Variants in MTCL1 observed in about 807,000 individuals in gnomAD.
The protein encoded by MTCL1 is microtubule cross-linking factor 1.
In MTCL1, 79 loss-of-function variants were observed where a neutral mutation model predicts 141.4. The ratio of observed to expected loss-of-function variants is 0.56; its 90% confidence interval spans 0.47 to 0.67. The LOEUF is 0.67. Among genes scored for constraint, MTCL1 ranks in the 30% least tolerant of loss-of-function variants. MTCL1 has a pLI of 0.00. For missense variants in MTCL1, 2,177 were observed against 2,113.9 expected, an observed-to-expected ratio of 1.03 and a Z score of -0.59; for synonymous variants, 914 against 875.8, an observed-to-expected ratio of 1.04 and a Z score of -0.77.
At chr18:8,784,664 A>G (rs745858701) in exon 6 of MTCL1, 1 of 1,614,022 alleles carries the variant, frequency 6.2e-7, no homozygotes, top group Non-Finnish European at 8.5e-7. Flanking sequence ...CATCAACGCC[A>G]AGATGAAGGC....
chr18:8,745,559 C>T (rs975377113), intron 4 of MTCL1, among the ~76,000 whole-genome samples: 7 of 152,032 alleles, frequency 4.6e-5, no homozygotes, highest in African/African-American at 1.4e-4. Context: ...TTGGGTTGTT[C>T]GGGAGCTTCC....
rs143755212 is a variant in MTCL1 at position 8,741,733 on chromosome 18, G to A, written c.357+21237G>A. 3.9e-5 allele frequency among the ~76,000 whole-genome samples: 6 copies of A among 152,244 alleles called. No individual in the cohort carries two copies. In the East Asian group the frequency reaches 1.2e-3, roughly 29 times the overall value. ...GTAAATGATGATGTGCTTGCTGTTC[G>A]GGAGTTTATTTCTCAGTGGACTTGG... On this transcript the variant is annotated intron_variant, in intron 4 of 16. Transcript: ENST00000359865.
chr18:8,786,117 C>T, intron 7 of MTCL1, 26 bp downstream of exon 6: 4 of 1,394,756 alleles, frequency 2.9e-6, no homozygotes, highest in Non-Finnish European at 1.9e-6. Context: ...CAATCCCCCC[C>T]CCCCGCCCTC....
At chr18:8,826,382 G>A (rs2077027848) in intron 15 of MTCL1, 150 bp downstream of exon 14, 3 of 773,792 alleles carry the variant, frequency 3.9e-6, no homozygotes, top group Non-Finnish European at 5.9e-6. Flanking sequence ...TAGGTTTATG[G>A]GAGAATAGAA....
chr18:8,711,023 A>T (rs1022760529), intron 1 of MTCL1, among the ~76,000 whole-genome samples: 1 of 151,480 alleles, frequency 6.6e-6, no homozygotes, highest in Non-Finnish European at 1.5e-5. Flanking sequence ...ATATCTCCCA[A>T]TGCTATCCCT....
chr18:8,792,940 G>A (rs2075785560), intron 7 of MTCL1, 58 bp from the exon 7 acceptor site: 9 of 1,599,078 alleles, frequency 5.6e-6, no homozygotes, highest in Middle Eastern at 2.2e-4. Flanking sequence ...GTCCTGCGTC[G>A]TCACCTCAGG....
At chr18:8,750,230 G>C (rs548542957) in intron 4 of MTCL1, among the ~76,000 whole-genome samples, 10 of 151,962 alleles carry the variant, frequency 6.6e-5, no homozygotes, top group Admixed American at 1.3e-4. Flanking sequence ...ATTTTTAGTA[G>C]AGACAGGGTT....
intron 6 of MTCL1, 37 bp from the exon 6 acceptor site, chr18:8,785,898 AG>A (rs2096551820): frequency 6.5e-6 from 10 of 1,530,398 alleles, no homozygotes; most frequent in Non-Finnish European, 8.8e-6. Flanking sequence ...AAAATTTTAA[AG>A]AACAACAACA....
intron 2 of MTCL1, chr18:8,718,024 G>T: frequency 1.0e-6 from 1 of 983,108 alleles, no homozygotes. Context: ...GTTCTTTGAA[G>T]GCAGGGTCCG....
intron 5 of MTCL1, among the ~76,000 whole-genome samples, 174 bp from the exon 5 acceptor site, chr18:8,783,356 G>A (rs1344119173): frequency 6.6e-6 from 1 of 151,964 alleles, no homozygotes; most frequent in Non-Finnish European, 1.5e-5. Flanking sequence ...CAAAGCCCCT[G>A]GGCCCACCTC....
At chr18:8,789,523 C>A (rs2075644372) in intron 7 of MTCL1, 3 of 985,338 alleles carry the variant, frequency 3.0e-6, no homozygotes, top group Non-Finnish European at 3.6e-6. Flanking sequence ...GGGAAGTTAG[C>A]CTTTGTCAAT....
intron 4 of MTCL1, among the ~76,000 whole-genome samples, chr18:8,766,780 G>A (rs1312322059): frequency 2.6e-5 from 4 of 152,232 alleles, no homozygotes; most frequent in Admixed American, 6.5e-5. Context: ...AGGGTGGGCA[G>A]GTGCAGCTGG....
chr18:8,750,539 G>C (rs905250014), intron 4 of MTCL1, among the ~76,000 whole-genome samples: 5 of 152,216 alleles, frequency 3.3e-5, no homozygotes, highest in African/African-American at 1.2e-4. Flanking sequence ...CTGGCTGGAG[G>C]TGCAGAGGAA....
upstream of MTCL1, chr18:8,717,233 A>G (rs1332348953): frequency 6.6e-6 from 1 of 152,176 alleles, no homozygotes; most frequent in Non-Finnish European, 1.5e-5. Context: ...TACCAATACT[A>G]TTAGATGGCA....
chr18:8,832,151 G>A (rs1393593279), exon 17 of MTCL1: 5 of 250,156 alleles, frequency 2.0e-5, no homozygotes, highest in East Asian at 1.0e-4. Flanking sequence ...GAACACCCTC[G>A]CTGTCAATAC....
At chr18:8,775,936 T>G (rs1240266195) in intron 4 of MTCL1, among the ~76,000 whole-genome samples, 1 of 152,196 alleles carries the variant, frequency 6.6e-6, no homozygotes, top group Non-Finnish European at 1.5e-5. Context: ...ATTTTAACTG[T>G]TTCTTAACCT....
intron 14 of MTCL1, among the ~76,000 whole-genome samples, chr18:8,823,129 C>T (rs567817732): frequency 1.3e-5 from 2 of 152,268 alleles, no homozygotes; most frequent in African/African-American, 4.8e-5. Context: ...TCTGACTGCC[C>T]GGTATGTTTC....
At chr18:8,760,976 T>C (rs1020369639) in intron 4 of MTCL1, among the ~76,000 whole-genome samples, 2 of 152,236 alleles carry the variant, frequency 1.3e-5, no homozygotes, top group Non-Finnish European at 2.9e-5. Context: ...CCTTTAGATA[T>C]GTAATAATAT....
chr18:8,815,530 A>C (rs1212673016), intron 12 of MTCL1, among the ~76,000 whole-genome samples: 1 of 151,898 alleles, frequency 6.6e-6, no homozygotes, highest in Non-Finnish European at 1.5e-5. Context: ...ATGACGAGTT[A>C]ATGGGTGCAG....
Sources: allele counts gnomAD v4.1 joint callset (sites outside exome capture counted in the v4.1 genomes callset), GRCh38; gene constraint gnomAD v4.1.1; transcripts MANE v1.5; gene names NCBI Gene and HGNC (gene_info 2026-07-23, HGNC 2026-07-21).